LAMB4: variants seen among roughly 807,000 people sequenced by gnomAD.
LAMB4 encodes laminin subunit beta 4.
In LAMB4, 196 loss-of-function variants were observed where a neutral mutation model predicts 199.2. The observed-to-expected ratio is 0.98, with a 90% CI of 0.88 to 1.11. LAMB4 has a LOEUF of 1.11. Ranked by LOEUF, LAMB4 falls within the 50% of genes least tolerant of loss-of-function variation. LAMB4 has a pLI of 0.00. For missense variants in LAMB4, 2,080 were observed against 2,171.2 expected (o/e 0.96, Z 0.83); for synonymous variants, 744 against 770.6 (o/e 0.97, Z 0.57).
Position 108,078,186 on chromosome 7 carries a change from C to T in LAMB4, c.2003+15G>A, listed in dbSNP as rs374466723. 130 of 1,505,712 alleles carry T rather than the reference C, an allele frequency of 8.6e-5. No individual in the cohort carries two copies. Among genetic ancestry groups the T allele is most frequent in the Non-Finnish European group, 1.1e-4 (121 of 1,091,040 alleles). 93.3% of individuals were successfully genotyped at this position (1,505,712 alleles called of 1,614,324 possible). On this transcript the variant is annotated intron_variant, in intron 16 of 33. Transcript: ENST00000388781. ...TAAGAAGCTTTCAATGTTTGAGGAC[C>T]GGTCTGAAACATACCTCGTAGCCGC...
At chr7:108,090,018 C>A (rs780957644) in intron 14 of LAMB4, among the ~76,000 whole-genome samples, 16 of 152,266 alleles carry the variant, frequency 1.1e-4, no homozygotes, top group Admixed American at 4.6e-4. Flanking sequence ...TCTCCCCCAA[C>A]CCCACTATCT....
At chr7:108,128,383 G>A (rs1205439652) in intron 1 of LAMB4, among the ~76,000 whole-genome samples, 1 of 152,098 alleles carries the variant, frequency 6.6e-6, no homozygotes, top group Non-Finnish European at 1.5e-5. Flanking sequence ...GGCCAGGGGT[G>A]CTGCTAAGTA....
chr7:108,101,149 A>G (rs1224802685), intron 10 of LAMB4, among the ~76,000 whole-genome samples: 1 of 152,172 alleles, frequency 6.6e-6, no homozygotes. Context: ...ATACCCTAAG[A>G]AGCGGGATCC....
intron 16 of LAMB4, among the ~76,000 whole-genome samples, chr7:108,077,413 G>A (rs771218093): frequency 3.3e-5 from 5 of 152,100 alleles, no homozygotes; most frequent in East Asian, 1.9e-4. Context: ...AAATTTTTGC[G>A]GCAGGGCATG....
chr7:108,052,155 A>G lies in LAMB4; in HGVS notation c.3858T>C (p.Leu1286=), dbSNP rs1249489382. Residue 1286 remains leucine (L), a synonymous_variant, in exon 26 of 34, where the codon CTT becomes CTC. Coordinates refer to ENST00000388781, the MANE Select transcript of LAMB4 (RefSeq NM_007356.3). ...ERAKNEADLL[L]EDLQEEIDLQ... is the part of the protein sequence containing the mutation. ...AATCAATTTCTTCCTGAAGGTCTTCAAGTAAGAGGTCTGCTTCATTCTTTG... is the reference window on the plus strand; with the variant it reads ...AATCAATTTCTTCCTGAAGGTCTTCGAGTAAGAGGTCTGCTTCATTCTTTG... 4 of 1,612,742 alleles carry G rather than the reference A, an allele frequency of 2.5e-6. No individual in the cohort carries two copies. In the African/African-American group the frequency reaches 4.0e-5, roughly 16 times the overall value.
rs756123750 is a variant in LAMB4 at position 108,068,069 on chromosome 7, C to T, written c.2393G>A (p.Cys798Tyr). 9.9e-6 allele frequency: 16 copies of T among 1,614,180 alleles called. No homozygotes were observed. The highest frequency in any genetic ancestry group is 1.4e-5 in the Non-Finnish European group (16 of 1,180,028). The change falls in exon 19 of 34, where the codon TGC becomes TAC. Residue 798 changes from cysteine (C) to tyrosine (Y), a missense_variant. Physicochemically the swap from Cys to Tyr is radical, Grantham distance 194. Transcript: ENST00000388781. The part of the protein sequence containing the change: ...CQCKPLVVGR[C>Y]CDRCSTGSYD... ...GCTTCCAGTTGAGCACCTGTCACAG[C>T]AGCGCCCGACCACAAGAGGTTTACA...
rs756445994 is a variant in LAMB4, at chr7:108,052,098, C to T, written c.3915G>A (p.Ala1305=). Residue 1305 remains alanine, a splice_region_variant and synonymous_variant, in exon 26 of 34, where the codon GCG becomes GCA. Coordinates refer to ENST00000388781, the MANE Select transcript of LAMB4 (RefSeq NM_007356.3). ...LQSSVLNASI[A]DSSENIKKYY... ...GTCAAAAATACATTTTTCCCTTACC[C>T]GCAATGCTTGCATTAAGGACACTGG... The T allele has an allele frequency of 4.2e-5, 67 of 1,600,994 alleles. 2 individuals are homozygous for T. The South Asian group carries it at 5.1e-4, about 12-fold the overall frequency.
intron 2 of LAMB4, among the ~76,000 whole-genome samples, chr7:108,118,245 C>A (rs968230377): frequency 6.6e-6 from 1 of 151,922 alleles, no homozygotes; most frequent in African/African-American, 2.4e-5. Flanking sequence ...CTCTTTATTG[C>A]AATTCAAAAT....
At chr7:108,011,876 C>CATATAT in the LAMB4 span, among the ~76,000 whole-genome samples, 10 of 149,936 alleles carry the variant, frequency 6.7e-5, no homozygotes, top group African/African-American at 2.2e-4. Context: ...AAAATATAAA[C>CATATAT]ATATATATAT....
chr7:108,102,989 C>G, intron 10 of LAMB4, 55 bp downstream of exon 10: 1 of 1,461,698 alleles, frequency 6.8e-7, no homozygotes, highest in Non-Finnish European at 9.2e-7. Flanking sequence ...CCAGTAAGAT[C>G]AAACTGAACT....
chr7:108,066,499 A>G lies in LAMB4; in HGVS notation c.2548T>C (p.Cys850Arg). ...GGAAATCCAAAGTAGCCTGCCAGGC[A>G]GCGATCACAGCGGCGGCCAGACACC... is the stretch of plus-strand genomic sequence containing the variant. ...GEVSGRRCDR[C>R]LAGYFGFPSC... The change falls in exon 20 of 34, where the codon TGC becomes CGC. Residue 850 changes from cysteine to arginine, a missense_variant. Transcript: ENST00000388781. 1 of 1,614,152 alleles carries G rather than the reference A, an allele frequency of 6.2e-7. No individual in the cohort carries two copies. The highest frequency in any genetic ancestry group is 8.5e-7 in the Non-Finnish European group (1 of 1,180,006).
chr7:108,123,219 G>GTCAA, intron 1 of LAMB4, 22 bp from the exon 2 acceptor site: 1 of 1,391,826 alleles, frequency 7.2e-7, no homozygotes, highest in Admixed American at 1.9e-5. Context: ...AAAGGTTAAA[G>GTCAA]TCAATCACTG....
At chr7:108,020,406 G>T (rs2034665704), downstream of LAMB4, among the ~76,000 whole-genome samples, 1 of 149,972 alleles carries the variant, frequency 6.7e-6, no homozygotes, top group Admixed American at 6.6e-5. Context: ...GGGAAGCAGA[G>T]GTTGCAGTGA....
At chr7:108,122,009 G>A (rs557108635) in intron 2 of LAMB4, among the ~76,000 whole-genome samples, 1 of 152,300 alleles carries the variant, frequency 6.6e-6, no homozygotes, top group South Asian at 2.1e-4. Context: ...TTTGGTTAAG[G>A]TCAGGGCAAG....
chr7:108,103,381 C>A, intron 9 of LAMB4, 149 bp from the exon 10 acceptor site: 1 of 572,960 alleles, frequency 1.7e-6, no homozygotes, highest in Non-Finnish European at 3.0e-6. Context: ...AACACAGGGC[C>A]AAAATGTGTG....
intron 14 of LAMB4, among the ~76,000 whole-genome samples, chr7:108,083,996 G>A (rs17154930): frequency 0.071 from 10,788 of 152,240 alleles, 428 homozygotes; most frequent in Middle Eastern, 0.11. Context: ...GCTATATCAT[G>A]GGGACACGAG....
the LAMB4 span, among the ~76,000 whole-genome samples, chr7:108,015,838 G>T: frequency 6.7e-6 from 1 of 148,288 alleles, no homozygotes. Flanking sequence ...TGCTTAGTTG[G>T]CTAATCTCAA....
Position 108,055,303 on chromosome 7 carries a change from C to T in LAMB4, c.3755+329G>A, listed in dbSNP as rs959380024. On this transcript the variant is annotated intron_variant, in intron 25 of 33. Transcript: ENST00000388781. ...CTGGGTTCAAGCAATTCTCTTGCCT[C>T]AGCCTCCCAAGTAGTGGGGATTACA... is the stretch of plus-strand genomic sequence containing the variant. Among the ~76,000 whole-genome samples the T allele has an allele frequency of 2.4e-4, 36 of 151,898 alleles. 1 individual carries two copies. Among genetic ancestry groups the T allele is most frequent in the Admixed American group, 2.1e-3 (32 of 15,252 alleles).
At chr7:108,026,121 C>T (rs1250008804) in intron 33 of LAMB4, among the ~76,000 whole-genome samples, 1 of 152,130 alleles carries the variant, frequency 6.6e-6, no homozygotes, top group Non-Finnish European at 1.5e-5. Flanking sequence ...GCTTCCCTGG[C>T]CCCTTCAGGT....
Sources: gnomAD v4.1 joint callset for allele counts (sites outside exome capture counted in the v4.1 genomes callset) on GRCh38, gnomAD v4.1.1 for gene constraint, MANE v1.5 for transcripts, NCBI Gene and HGNC (gene_info 2026-07-23, HGNC 2026-07-21) for gene names.